The following COL4A2 variants were observed in gnomAD, a reference collection of about 807,000 sequenced individuals.
COL4A2 encodes the protein collagen type IV alpha 2 chain.
A neutral mutation model predicts 200.2 loss-of-function variants in COL4A2; 99 were observed. The ratio of observed to expected loss-of-function variants is 0.49; its 90% CI spans 0.42 to 0.58. The LOEUF (loss-of-function observed/expected upper bound fraction) is 0.58. COL4A2 is among the 20% of genes least tolerant of loss of function. The pLI is 0.00. For missense variants in COL4A2, 1,950 were observed against 2,314.1 expected, an observed-to-expected ratio of 0.84 and a Z score of 3.23; for synonymous variants, 897 against 900.6, an observed-to-expected ratio of 1.00 and a Z score of 0.07.
chr13:110,319,221 G>A lies in COL4A2; in HGVS notation c.99+11098G>A, dbSNP rs139647019. Among the ~76,000 whole-genome samples the A allele has an allele frequency of 1.3e-4, 20 of 152,184 alleles. 1 individual carries two copies. The highest frequency in any genetic ancestry group is 1.9e-4 in the East Asian group (1 of 5,176). ...GCTGAGTGAGAACTGGTGGAGATGCGCCTTCCTGATGCCTTGAGACGGTTA... is the reference window on the plus strand; with the variant it reads ...GCTGAGTGAGAACTGGTGGAGATGCACCTTCCTGATGCCTTGAGACGGTTA... On this transcript the variant is annotated intron_variant, in intron 3 of 47. Transcript: ENST00000360467.
intron 3 of COL4A2, among the ~76,000 whole-genome samples, chr13:110,315,220 C>G (rs1287374394): frequency 1.3e-5 from 2 of 152,238 alleles, no homozygotes; most frequent in African/African-American, 4.8e-5. Context: ...CACACACCTG[C>G]ACATGGCTGG....
At chr13:110,472,847 G>A in intron 28 of COL4A2, 82 bp from the exon 29 acceptor site, 1 of 1,410,106 alleles carries the variant, frequency 7.1e-7, no homozygotes, top group Non-Finnish European at 9.8e-7. Flanking sequence ...AATTTTTGCT[G>A]TTTCCAGCCT....
intron 27 of COL4A2, chr13:110,468,097 CA>C (rs1198477518): frequency 2.1e-6 from 1 of 465,950 alleles, no homozygotes; most frequent in East Asian, 7.0e-5. Flanking sequence ...AGAGCGACAC[CA>C]GTGTAGTATG....
intron 3 of COL4A2, chr13:110,328,597 G>A (rs1594148852): frequency 2.0e-5 from 3 of 152,222 alleles, no homozygotes; most frequent in South Asian, 2.1e-4. Flanking sequence ...TGCTGGGCAC[G>A]TTTAATTCAA....
In COL4A2 at chr13:110,469,265, G is replaced by A; in HGVS notation, c.2144G>A (p.Gly715Glu). Residue 715 changes from glycine to glutamate, a missense_variant, in exon 28 of 48, where the codon GGA (glycine) becomes GAA (glutamate). Gly to Glu is a moderately conservative substitution (Grantham distance 98). Transcript: ENST00000360467. ...GIPGFAGADG[G>E]PGPRGLPGDA... ...CCAGGCTTCGCAGGAGCTGATGGAGGACCAGGGCCCAGGGGCTTGCCAGGA... is the reference window on the plus strand; with the variant it reads ...CCAGGCTTCGCAGGAGCTGATGGAGAACCAGGGCCCAGGGGCTTGCCAGGA... 1 of 1,604,414 alleles carries A rather than the reference G, an allele frequency of 6.2e-7. No individual in the cohort carries two copies. The highest frequency in any genetic ancestry group is 8.5e-7 in the Non-Finnish European group (1 of 1,175,666).
At chr13:110,386,302 G>A (rs993207058) in intron 4 of COL4A2, among the ~76,000 whole-genome samples, 2 of 152,210 alleles carry the variant, frequency 1.3e-5, no homozygotes, top group East Asian at 1.9e-4. Context: ...AATCCTCCAA[G>A]GTTTTCGGAC....
rs537464573 is a variant in COL4A2, at chr13:110,460,287, C to T, written c.1596+1353C>T. ...GAGCTGTGCAGGTGAAAATGAGACC[C>T]GGGCACCTCGCTGATCCATGCCCTA... On this transcript the variant is annotated intron_variant, in intron 22 of 47. Coordinates refer to ENST00000360467, the MANE Select transcript of COL4A2 (RefSeq NM_001846.4). Among the ~76,000 whole-genome samples, 4 of 152,196 alleles carry T rather than the reference C, an allele frequency of 2.6e-5. No homozygotes were observed. The South Asian group carries it at 8.3e-4, about 32-fold the overall frequency.
chr13:110,420,934 A>G (rs1355194122), intron 4 of COL4A2, among the ~76,000 whole-genome samples: 1 of 152,212 alleles, frequency 6.6e-6, no homozygotes, highest in African/African-American at 2.4e-5. Context: ...TCTAACTCAC[A>G]TTCTGCCCAG....
chr13:110,511,625 A>T (rs1884082299), intron 47 of COL4A2, among the ~76,000 whole-genome samples: 1 of 152,220 alleles, frequency 6.6e-6, no homozygotes, highest in Non-Finnish European at 1.5e-5. Flanking sequence ...AGTGGATTAT[A>T]TCTACCGCTC....
At chr13:110,449,844 C>G in intron 19 of COL4A2, 55 bp downstream of exon 19, 5 of 1,495,982 alleles carry the variant, frequency 3.3e-6, no homozygotes, top group Non-Finnish European at 4.5e-6. Context: ...GCACTCAGGT[C>G]CTAGCACACA....
chr13:110,507,869 G>A, intron 46 of COL4A2, 66 bp from the exon 47 acceptor site: 2 of 1,535,098 alleles, frequency 1.3e-6, no homozygotes, highest in Non-Finnish European at 8.9e-7. Flanking sequence ...CCTGGGCCTG[G>A]CTGGGGCTGG....
chr13:110,463,118 C>G (rs1231852796), intron 24 of COL4A2: 2 of 154,520 alleles, frequency 1.3e-5, no homozygotes, highest in Non-Finnish European at 2.9e-5. Context: ...TCTCACAGCT[C>G]TGGAGGCTGA....
At chr13:110,385,546 TTGCAGTGTGTGGATAGACCGTGGC>T (rs1878677122) in intron 4 of COL4A2, among the ~76,000 whole-genome samples, 3 of 43,656 alleles carry the variant, frequency 6.9e-5, no homozygotes, top group Non-Finnish European at 1.0e-4. Context: ...TAGGCCGTGG[TTGCAGTGTGTGGATAGACCGTGGC>T]TGCAGTGTGT....
In COL4A2 at chr13:110,472,991, G is replaced by A. The variant is rs1356564289; in HGVS notation, c.2266G>A (p.Gly756Ser). 6.5e-7 allele frequency: 1 copy of A among 1,537,518 alleles called. No homozygotes were observed. The highest frequency in any genetic ancestry group is 1.4e-5 in the African/African-American group (1 of 72,138). The change falls in exon 29 of 48, where the codon GGT (glycine) becomes AGT (serine). Residue 756 changes from glycine (G) to serine (S), a missense_variant. Physicochemically the swap from Gly to Ser is moderately conservative, Grantham distance 56 (BLOSUM62 0). Transcript: ENST00000360467. ...CCTCCCTGGCCCAGATGGATCCCCAGGTCCCATCGGCCTGCCAGGGCCAGA... is the reference window on the plus strand; with the variant it reads ...CCTCCCTGGCCCAGATGGATCCCCAAGTCCCATCGGCCTGCCAGGGCCAGA... ...VGLPGPDGSP[G>S]PIGLPGPDGP...
intron 30 of COL4A2, 149 bp from the exon 31 acceptor site, chr13:110,480,069 CCA>C: frequency 1.2e-6 from 1 of 862,130 alleles, no homozygotes; most frequent in Non-Finnish European, 1.8e-6. Context: ...CCCGCTCCGG[CCA>C]CACTTTGGAA....
At chr13:110,448,744 T>G (rs1166668224) in intron 18 of COL4A2, among the ~76,000 whole-genome samples, 2 of 152,216 alleles carry the variant, frequency 1.3e-5, no homozygotes, top group Non-Finnish European at 2.9e-5. Context: ...GGAGTGTAGG[T>G]CACACTGTGT....
At chr13:110,387,551 C>G (rs1275873329) in intron 4 of COL4A2, among the ~76,000 whole-genome samples, 4 of 152,208 alleles carry the variant, frequency 2.6e-5, no homozygotes, top group Non-Finnish European at 5.9e-5. Flanking sequence ...CACACCTGCC[C>G]GAGGAGGCAG....
intron 4 of COL4A2, among the ~76,000 whole-genome samples, chr13:110,413,823 G>A (rs1392919815): frequency 6.6e-6 from 1 of 152,134 alleles, no homozygotes; most frequent in Non-Finnish European, 1.5e-5. Flanking sequence ...CTGTGATGTG[G>A]GACCCTCAGC....
At chr13:110,364,603 T>A (rs965917861) in intron 4 of COL4A2, among the ~76,000 whole-genome samples, 1 of 152,222 alleles carries the variant, frequency 6.6e-6, no homozygotes, top group Non-Finnish European at 1.5e-5. Flanking sequence ...GCTCTGAAGC[T>A]CCAAGTTTCA....
Sources: gnomAD v4.1 joint callset for allele counts (sites outside exome capture counted in the v4.1 genomes callset) on GRCh38, gnomAD v4.1.1 for gene constraint, MANE v1.5 for transcripts, NCBI Gene and HGNC (gene_info 2026-07-23, HGNC 2026-07-21) for gene names.